The following TRIP11 variants were observed in gnomAD, a reference collection of about 807,000 sequenced individuals.
TRIP11 encodes the protein thyroid hormone receptor interactor 11, also known as thyroid receptor-interacting protein 11.
Under a neutral mutation model 223.1 loss-of-function variants are expected in TRIP11, and 148 were observed. That is an observed-to-expected ratio of 0.66 (90% CI 0.58 to 0.76). The LOEUF (loss-of-function observed/expected upper bound fraction) is 0.76, where lower values mean the gene tolerates loss of function less well. Ranked by LOEUF, TRIP11 falls within the 30% of genes least tolerant of loss-of-function variation. The pLI is 0.00. For missense variants in TRIP11, 2,043 were observed against 2,222.0 expected, an observed-to-expected ratio of 0.92 and a Z score of 1.62; for synonymous variants, 762 against 772.6, an observed-to-expected ratio of 0.99 and a Z score of 0.23.
chr14:91,974,570 A>G lies in TRIP11; in HGVS notation c.5574+57T>C. On this transcript the variant is annotated intron_variant, in intron 19 of 20. Transcript: ENST00000267622. ...AAAAAATCTGATTCTTTGCAAATGA[A>G]TGTAATATACAGTCATTTTACTATT... The G allele has an allele frequency of 2.3e-6, 3 of 1,299,856 alleles. No individual in the cohort carries two copies. In the Admixed American group the frequency reaches 5.1e-5, roughly 22 times the overall value. The allele number at this position is 1,299,856 out of a possible 1,614,324, so 80.5% of individuals were successfully genotyped here.
At chr14:91,979,811 A>T (rs898383668) in intron 16 of TRIP11, among the ~76,000 whole-genome samples, 1 of 152,196 alleles carries the variant, frequency 6.6e-6, no homozygotes, top group African/African-American at 2.4e-5. Flanking sequence ...CTCCCATCAG[A>T]GATTCTGAAT....
At chr14:92,025,842 T>C (rs969175847) in intron 2 of TRIP11, among the ~76,000 whole-genome samples, 8 of 147,982 alleles carry the variant, frequency 5.4e-5, no homozygotes, top group African/African-American at 2.0e-4. Flanking sequence ...ATCATGCCAT[T>C]GCATTCCAGC....
At chr14:92,030,203 CAAAA>C (rs55828319) in intron 2 of TRIP11, among the ~76,000 whole-genome samples, 917 of 67,142 alleles carry the variant, frequency 0.014, 8 homozygotes, top group South Asian at 0.057. Flanking sequence ...GACTCCGTCT[CAAAA>C]AAAAAAAAAA....
chr14:92,025,740 C>G lies in TRIP11; in HGVS notation c.202-320G>C, dbSNP rs574954100. On this transcript the variant is annotated intron_variant, in intron 2 of 20. Coordinates refer to ENST00000267622, the MANE Select transcript of TRIP11 (RefSeq NM_004239.4). ...AAAATACAAAAAAAAATTAGACGGG[C>G]GTGGTGGCGTGTGCCCGTAATCCCA... Among the ~76,000 whole-genome samples, 7 of 152,076 alleles carry G rather than the reference C, an allele frequency of 4.6e-5. No individual in the cohort carries two copies. The East Asian group carries it at 1.4e-3, about 29-fold the overall frequency.
rs1185792141 is a variant in TRIP11, at chr14:91,992,067, G to A, written c.5160+1742C>T. On this transcript the variant is annotated intron_variant, in intron 15 of 20. Transcript: ENST00000267622. Reference sequence around the variant, plus strand: ...TTGCACTCCAGCCTGAGCAAAGAGCGAAACGCCGTCTCAAAAAAAAAAAAA... The same window carrying A: ...TTGCACTCCAGCCTGAGCAAAGAGCAAAACGCCGTCTCAAAAAAAAAAAAA... Among the ~76,000 whole-genome samples the A allele has an allele frequency of 3.5e-5, 3 of 85,806 alleles. No homozygotes were observed. In the Admixed American group the frequency reaches 6.4e-4, roughly 18 times the overall value. 56.3% of individuals were successfully genotyped at this position (85,806 alleles called of 152,430 possible). A position where few individuals can be genotyped will look rare whatever the true frequency, so the allele number is the denominator to read the frequency against.
chr14:92,039,665 G>A lies in TRIP11; in HGVS notation c.21C>T (p.Gly7=). The part of the protein sequence containing the change: MSSWLG[G]LGSGLGQSLG... ...GAGACTGGCCCAATCCGGAGCCGAG[G>A]CCCCCAAGCCAGGACGACATCGCGG... The change falls in exon 1 of 21, where the codon GGC becomes GGT. Residue 7 remains glycine (G), a synonymous_variant. Coordinates refer to ENST00000267622, the MANE Select transcript of TRIP11 (RefSeq NM_004239.4). 6.2e-7 allele frequency: 1 copy of A among 1,612,396 alleles called. No individual in the cohort carries two copies. Among genetic ancestry groups the A allele is most frequent in the South Asian group, 1.1e-5 (1 of 90,634 alleles).
chr14:91,982,994 T>C (rs1173085144), intron 16 of TRIP11, among the ~76,000 whole-genome samples: 1 of 152,194 alleles, frequency 6.6e-6, no homozygotes, highest in Non-Finnish European at 1.5e-5. Flanking sequence ...GTTTCCAGAT[T>C]ATGACACACA....
At chr14:92,027,060 T>C (rs755736518) in intron 2 of TRIP11, among the ~76,000 whole-genome samples, 1 of 152,012 alleles carries the variant, frequency 6.6e-6, no homozygotes, top group Non-Finnish European at 1.5e-5. Context: ...ACCCAAACCA[T>C]GAGAATTTGC....
intron 11 of TRIP11, among the ~76,000 whole-genome samples, chr14:92,000,947 G>A (rs566495681): frequency 1.5e-4 from 22 of 149,706 alleles, no homozygotes; most frequent in Non-Finnish European, 3.0e-4. Context: ...TGCAACCTCC[G>A]CCTCCTGGGT....
At chr14:92,011,625 T>A in intron 8 of TRIP11, 130 bp downstream of exon 8, 1 of 708,220 alleles carries the variant, frequency 1.4e-6, no homozygotes, top group African/African-American at 1.8e-5. Context: ...ATTTACAAAA[T>A]AACTTCTAAT....
At chr14:92,003,344 A>G in intron 11 of TRIP11, 75 bp downstream of exon 11, 1 of 1,567,138 alleles carries the variant, frequency 6.4e-7, no homozygotes, top group Middle Eastern at 1.7e-4. Flanking sequence ...TTCAAAGACA[A>G]TATAAATGAA....
At chr14:91,983,952 TA>T (rs1158449143) in intron 16 of TRIP11, among the ~76,000 whole-genome samples, 1 of 152,262 alleles carries the variant, frequency 6.6e-6, no homozygotes, top group East Asian at 1.9e-4. Context: ...TCTGTAGCTT[TA>T]AAACATGTTT....
chr14:91,969,296 A>G lies in TRIP11; in HGVS notation c.*377T>C, dbSNP rs1312729142. 3.2e-6 allele frequency: 1 copy of G among 311,392 alleles called. No individual in the cohort carries two copies. Among genetic ancestry groups the G allele is most frequent in the East Asian group, 5.1e-5 (1 of 19,456 alleles). The allele number at this position is 311,392 out of a possible 1,614,324, so 19.3% of individuals were successfully genotyped here. The stretch of plus-strand genomic sequence containing the variant: ...ATTTTTTTATTCTTCGTTTAAAAAA[A>G]AAAAACACTCTCTTGATAAACCACA... On this transcript the variant is annotated 3_prime_UTR_variant, in exon 21 of 21. Transcript: ENST00000267622.
chr14:92,001,991 C>T (rs747587172), intron 11 of TRIP11, among the ~76,000 whole-genome samples: 1 of 152,174 alleles, frequency 6.6e-6, no homozygotes, highest in Non-Finnish European at 1.5e-5. Flanking sequence ...ACCTAACTGG[C>T]AAATGAAGTT....
chr14:92,008,125 T>TA (rs2056928177), intron 9 of TRIP11, among the ~76,000 whole-genome samples: 1 of 152,160 alleles, frequency 6.6e-6, no homozygotes, highest in Non-Finnish European at 1.5e-5. Context: ...TTCTTCTTTA[T>TA]AAAAAACGTT....
chr14:92,022,256 T>C (rs1004571628), intron 3 of TRIP11, among the ~76,000 whole-genome samples: 4 of 152,216 alleles, frequency 2.6e-5, no homozygotes, highest in Admixed American at 2.6e-4. Flanking sequence ...GGGTGTTGTG[T>C]AACTGATTAT....
intron 19 of TRIP11, 104 bp downstream of exon 19, chr14:91,974,523 G>C (rs896487926): frequency 1.1e-6 from 1 of 937,548 alleles, no homozygotes; most frequent in Non-Finnish European, 1.7e-6. Flanking sequence ...AAAATAAAAG[G>C]GTTGTATAAA....
intron 13 of TRIP11, among the ~76,000 whole-genome samples, chr14:91,996,470 A>T (rs998585261): frequency 2.0e-5 from 3 of 152,194 alleles, no homozygotes; most frequent in Admixed American, 6.5e-5. Flanking sequence ...TGAGCCCAGG[A>T]GCTTGAGGCT....
chr14:92,024,866 A>C (rs2057162023), intron 3 of TRIP11, among the ~76,000 whole-genome samples: 1 of 152,206 alleles, frequency 6.6e-6, no homozygotes, highest in Non-Finnish European at 1.5e-5. Flanking sequence ...AGCAAAGATA[A>C]ATCAATTCCA....
Sources: allele counts gnomAD v4.1 joint callset (sites outside exome capture counted in the v4.1 genomes callset), GRCh38; gene constraint gnomAD v4.1.1; transcripts MANE v1.5; gene names NCBI Gene and HGNC (gene_info 2026-07-23, HGNC 2026-07-21).